Variants in ROR1 observed in about 807,000 individuals in gnomAD.
ROR1 encodes ROR family WNT receptor 1, also known as inactive tyrosine-protein kinase transmembrane receptor ROR1.
In ROR1, 19 loss-of-function variants were observed where a neutral mutation model predicts 78.8. That is an observed-to-expected ratio of 0.24 (90% CI 0.17 to 0.35). The LOEUF (loss-of-function observed/expected upper bound fraction) is 0.35. Among genes scored for constraint, ROR1 ranks in the 10% least tolerant of loss-of-function variants. The pLI is 1.00. For missense variants in ROR1, 917 were observed against 1,177.8 expected, an observed-to-expected ratio of 0.78 and a Z score of 3.24; for synonymous variants, 386 against 433.6, an observed-to-expected ratio of 0.89 and a Z score of 1.36.
At chr1:63,933,270 A>T (rs527239395) in intron 1 of ROR1, among the ~76,000 whole-genome samples, 13 of 152,248 alleles carry the variant, frequency 8.5e-5, no homozygotes, top group African/African-American at 3.1e-4. Flanking sequence ...TGGACCTTTC[A>T]CAGTGCGTTT....
chr1:63,791,465 A>G (rs557044314), intron 1 of ROR1, among the ~76,000 whole-genome samples: 45 of 152,260 alleles, frequency 3.0e-4, no homozygotes, highest in African/African-American at 8.9e-4. Context: ...GAGTTCACAA[A>G]ATTGTGCTGC....
At chr1:64,149,106 C>T (rs538241357) in intron 7 of ROR1, among the ~76,000 whole-genome samples, 23 of 152,284 alleles carry the variant, frequency 1.5e-4, no homozygotes, top group Middle Eastern at 3.4e-3. Context: ...ATGACTACTG[C>T]TTGTTGAATA....
chr1:64,051,817 C>T (rs1646835656), intron 4 of ROR1, among the ~76,000 whole-genome samples: 1 of 152,224 alleles, frequency 6.6e-6, no homozygotes. Context: ...TTTTGTGGCT[C>T]TGCCACAAGA....
At chr1:64,052,955 A>G (rs1165560559) in intron 4 of ROR1, among the ~76,000 whole-genome samples, 2 of 152,068 alleles carry the variant, frequency 1.3e-5, no homozygotes, top group Non-Finnish European at 2.9e-5. Flanking sequence ...TAACTCCCAG[A>G]AAGAATGCTG....
At chr1:63,872,308 A>G (rs983729173) in intron 1 of ROR1, among the ~76,000 whole-genome samples, 2 of 152,190 alleles carry the variant, frequency 1.3e-5, no homozygotes, top group Admixed American at 1.3e-4. Context: ...ATTGTCTCTT[A>G]AAAATGGGAA....
intron 1 of ROR1, among the ~76,000 whole-genome samples, chr1:63,807,400 C>T (rs1410422264): frequency 6.6e-6 from 1 of 152,146 alleles, no homozygotes; most frequent in Non-Finnish European, 1.5e-5. Context: ...CAATGCCTTC[C>T]TCCACTCAGG....
chr1:63,860,736 T>A (rs1645175958), intron 1 of ROR1, among the ~76,000 whole-genome samples: 1 of 132,998 alleles, frequency 7.5e-6, no homozygotes, highest in Non-Finnish European at 1.5e-5. Flanking sequence ...ACCACTGCAC[T>A]CCAGCCTGGG....
chr1:64,077,178 ACAAAAAACATTT>A (rs1381209978), intron 4 of ROR1, among the ~76,000 whole-genome samples: 1 of 152,248 alleles, frequency 6.6e-6, no homozygotes, highest in African/African-American at 2.4e-5. Flanking sequence ...TATATATGAG[ACAAAAAACATTT>A]CAAGTATATG....
intron 2 of ROR1, among the ~76,000 whole-genome samples, chr1:64,025,619 A>G (rs763012808): frequency 6.6e-6 from 1 of 151,368 alleles, no homozygotes; most frequent in South Asian, 2.1e-4. Context: ...ACACATATAC[A>G]CACATATGTA....
chr1:64,006,176 T>C (rs748157034), intron 1 of ROR1, among the ~76,000 whole-genome samples: 1 of 152,236 alleles, frequency 6.6e-6, no homozygotes, highest in Non-Finnish European at 1.5e-5. Flanking sequence ...TATTTCTGGC[T>C]GTGAGCAGCA....
intron 1 of ROR1, among the ~76,000 whole-genome samples, chr1:63,961,921 T>C (rs1646032591): frequency 6.6e-6 from 1 of 152,228 alleles, no homozygotes; most frequent in South Asian, 2.1e-4. Flanking sequence ...TCACTATGCA[T>C]TGTGTACATA....
chr1:63,815,177 T>C (rs1644883216), intron 1 of ROR1, among the ~76,000 whole-genome samples: 1 of 152,232 alleles, frequency 6.6e-6, no homozygotes, highest in Non-Finnish European at 1.5e-5. Flanking sequence ...ACAGCCCTAG[T>C]TCCCCCAGGT....
chr1:63,982,579 T>C (rs1304631934), intron 1 of ROR1, among the ~76,000 whole-genome samples: 1 of 152,164 alleles, frequency 6.6e-6, no homozygotes, highest in Non-Finnish European at 1.5e-5. Flanking sequence ...CTCAGCAAAC[T>C]TGGAGCAAGC....
At chr1:64,158,788 T>C (rs1649848604) in intron 7 of ROR1, among the ~76,000 whole-genome samples, 193 bp from the exon 8 acceptor site, 1 of 152,246 alleles carries the variant, frequency 6.6e-6, no homozygotes. Flanking sequence ...ACTTTAAACT[T>C]TTAAACTTCA....
intron 4 of ROR1, among the ~76,000 whole-genome samples, chr1:64,122,323 A>C (rs532122063): frequency 6.6e-6 from 1 of 152,334 alleles, no homozygotes; most frequent in African/African-American, 2.4e-5. Context: ...CTTTCTCTTC[A>C]GACCTCTTGA....
Position 64,128,346 on chromosome 1 carries a change from G to T in ROR1, c.483-9023G>T, listed in dbSNP as rs149516630. 5.3e-3 allele frequency among the ~76,000 whole-genome samples: 800 copies of T among 151,084 alleles called. 4 individuals are homozygous for T. The highest frequency in any genetic ancestry group is 8.4e-3 in the Admixed American group (127 of 15,154). On this transcript the variant is annotated intron_variant, in intron 4 of 8. Transcript: ENST00000371079. ...TAGCCAAGCATGGTGGCACAAGCCT[G>T]TAGTTACAGCTACTCAGGAGGCTAA...
At chr1:63,788,860 T>G in intron 1 of ROR1, 2 of 771,302 alleles carry the variant, frequency 2.6e-6, no homozygotes, top group South Asian at 2.7e-5. Flanking sequence ...CATGCGAGCC[T>G]TATCTGCCTT....
chr1:64,088,466 G>A (rs1050765932), intron 4 of ROR1, among the ~76,000 whole-genome samples: 2 of 151,928 alleles, frequency 1.3e-5, no homozygotes, highest in African/African-American at 2.4e-5. Flanking sequence ...CATTTTTTAG[G>A]TGTGCAATTG....
chr1:63,967,357 T>TA (rs989289535), intron 1 of ROR1, among the ~76,000 whole-genome samples: 15 of 151,932 alleles, frequency 9.9e-5, no homozygotes, highest in East Asian at 1.9e-4. Context: ...TCCTATAACA[T>TA]AAAAAAAATA....
Sources: allele counts gnomAD v4.1 joint callset (sites outside exome capture counted in the v4.1 genomes callset), GRCh38; gene constraint gnomAD v4.1.1; transcripts MANE v1.5; gene names NCBI Gene and HGNC (gene_info 2026-07-23, HGNC 2026-07-21).